Variants in NRXN1 observed in about 807,000 individuals in gnomAD.
NRXN1 encodes neurexin-1.
In NRXN1, 39 loss-of-function variants were observed where a neutral mutation model predicts 150.9. That is an observed-to-expected ratio of 0.26 (90% CI 0.20 to 0.34). NRXN1 has a LOEUF of 0.34. Ranked by LOEUF, NRXN1 falls within the 10% of genes least tolerant of loss-of-function variation. The probability of loss-of-function intolerance (pLI) is 1.00; values close to 1 mark genes in which losing one functional copy is unlikely to be tolerated. For missense variants in NRXN1, 1,815 were observed against 1,949.9 expected (o/e 0.93, Z 1.30); for synonymous variants, 924 against 757.0 (o/e 1.22, Z -3.62).
At chr2:50,879,817 G>C (rs1679162804) in intron 5 of NRXN1, among the ~76,000 whole-genome samples, 1 of 151,940 alleles carries the variant, frequency 6.6e-6, no homozygotes, top group South Asian at 2.1e-4. Flanking sequence ...AAAGAATCTT[G>C]TCATGTTGTG....
intron 21 of NRXN1, among the ~76,000 whole-genome samples, chr2:49,979,764 T>C (rs889641398): frequency 6.6e-6 from 1 of 152,158 alleles, no homozygotes; most frequent in African/African-American, 2.4e-5. Context: ...CTCCTTATAA[T>C]TGAAGCACTA....
chr2:50,474,935 C>A (rs1368181352), intron 15 of NRXN1, among the ~76,000 whole-genome samples: 1 of 149,604 alleles, frequency 6.7e-6, no homozygotes, highest in Non-Finnish European at 1.5e-5. Context: ...TGAGATTGTA[C>A]CTTCACTAAC....
chr2:50,955,000 G>A (rs1217901896), intron 2 of NRXN1, among the ~76,000 whole-genome samples: 1 of 152,126 alleles, frequency 6.6e-6, no homozygotes, highest in Non-Finnish European at 1.5e-5. Context: ...CAGCAGGTGA[G>A]GAAGACAGCT....
At chr2:50,201,285 T>C (rs2062144324) in intron 18 of NRXN1, among the ~76,000 whole-genome samples, 1 of 152,154 alleles carries the variant, frequency 6.6e-6, no homozygotes, top group Non-Finnish European at 1.5e-5. Context: ...GAATCACACA[T>C]AGAGTTCTAA....
intron 5 of NRXN1, among the ~76,000 whole-genome samples, chr2:50,818,746 G>A (rs979122246): frequency 6.6e-6 from 1 of 152,016 alleles, no homozygotes; most frequent in African/African-American, 2.4e-5. Flanking sequence ...TGGAATGAGA[G>A]AAAATATATG....
chr2:49,943,885 T>C (rs1672442000), intron 21 of NRXN1, 94 bp from the exon 22 acceptor site: 1 of 925,594 alleles, frequency 1.1e-6, no homozygotes, highest in African/African-American at 1.6e-5. Flanking sequence ...AATTTGTTTA[T>C]CAAGAAACCA....
intron 17 of NRXN1, among the ~76,000 whole-genome samples, chr2:50,289,385 A>G (rs2072612757): frequency 6.6e-6 from 1 of 152,044 alleles, no homozygotes; most frequent in Non-Finnish European, 1.5e-5. Context: ...TTCCCCTCTA[A>G]GTCACTTATG....
In NRXN1 at chr2:50,482,867, G is replaced by A. The variant is rs146897230; in HGVS notation, c.3071-10396C>T. Among the ~76,000 whole-genome samples, 41 of 151,496 alleles carry A rather than the reference G, an allele frequency of 2.7e-4. No individual in the cohort carries two copies. In the South Asian group the frequency reaches 5.2e-3, roughly 19 times the overall value. On this transcript the variant is annotated intron_variant, in intron 15 of 22. Coordinates refer to ENST00000401669, the MANE Select transcript of NRXN1 (RefSeq NM_001330078.2). ...TCCCAGCACTTTGGGAGGCTGTGGCGGGAAGAAACCCCAACTCTACTAAAA... is the reference window on the plus strand; with the variant it reads ...TCCCAGCACTTTGGGAGGCTGTGGCAGGAAGAAACCCCAACTCTACTAAAA...
intron 2 of NRXN1, among the ~76,000 whole-genome samples, chr2:51,011,363 A>C (rs1667833792): frequency 6.6e-6 from 1 of 152,034 alleles, no homozygotes; most frequent in Non-Finnish European, 1.5e-5. Context: ...GGGGACTTAG[A>C]ATCAAGTGAA....
At chr2:50,077,263 A>T (rs1315303137) in intron 19 of NRXN1, among the ~76,000 whole-genome samples, 1 of 152,146 alleles carries the variant, frequency 6.6e-6, no homozygotes, top group Non-Finnish European at 1.5e-5. Context: ...AGGTTCTATG[A>T]ATGTTTGGAA....
At chr2:50,097,523 G>A (rs933561111) in intron 18 of NRXN1, among the ~76,000 whole-genome samples, 2 of 152,196 alleles carry the variant, frequency 1.3e-5, no homozygotes, top group Non-Finnish European at 2.9e-5. Context: ...ATGAAGGGGA[G>A]TCTGGAGCCT....
At chr2:50,988,318 A>G (rs1347975090) in intron 2 of NRXN1, among the ~76,000 whole-genome samples, 1 of 151,998 alleles carries the variant, frequency 6.6e-6, no homozygotes, top group Non-Finnish European at 1.5e-5. Flanking sequence ...GAAATAATAT[A>G]GACTTTAGAT....
chr2:50,096,003 C>T (rs1256433645), intron 18 of NRXN1, among the ~76,000 whole-genome samples: 1 of 140,302 alleles, frequency 7.1e-6, no homozygotes, highest in African/African-American at 2.6e-5. Context: ...GTTCTCATAT[C>T]ATTTGACTTT....
chr2:50,247,554 T>C (rs2066623870), intron 17 of NRXN1, among the ~76,000 whole-genome samples: 1 of 152,136 alleles, frequency 6.6e-6, no homozygotes, highest in Admixed American at 6.6e-5. Context: ...GTCTCAGTTT[T>C]AGTTTTCCAA....
chr2:50,994,017 G>C (rs1039460455), intron 2 of NRXN1, among the ~76,000 whole-genome samples: 1 of 151,854 alleles, frequency 6.6e-6, no homozygotes, highest in Non-Finnish European at 1.5e-5. Flanking sequence ...CAAAACCTAA[G>C]ATTTTAGATT....
chr2:50,653,503 G>A (rs1250488050), intron 5 of NRXN1, among the ~76,000 whole-genome samples: 1 of 151,958 alleles, frequency 6.6e-6, no homozygotes, highest in East Asian at 1.9e-4. Flanking sequence ...ACCAACTTAG[G>A]TTACAATTCA....
intron 5 of NRXN1, among the ~76,000 whole-genome samples, chr2:50,709,107 T>C (rs1694810341): frequency 6.6e-6 from 1 of 152,182 alleles, no homozygotes; most frequent in Non-Finnish European, 1.5e-5. Context: ...CTCACAGCAC[T>C]GATGCCTCAC....
chr2:50,090,166 G>C (rs570710448), intron 19 of NRXN1, among the ~76,000 whole-genome samples: 2 of 152,140 alleles, frequency 1.3e-5, no homozygotes, highest in Non-Finnish European at 2.9e-5. Flanking sequence ...GTTTGAACTA[G>C]GGCTTGAAGA....
At chr2:50,281,739 C>T (rs2071494001) in intron 17 of NRXN1, among the ~76,000 whole-genome samples, 1 of 152,086 alleles carries the variant, frequency 6.6e-6, no homozygotes, top group African/African-American at 2.4e-5. Context: ...CCAGTCATCT[C>T]AGATTTATTT....
Sources: allele counts gnomAD v4.1 joint callset (sites outside exome capture counted in the v4.1 genomes callset), GRCh38; gene constraint gnomAD v4.1.1; transcripts MANE v1.5; gene names NCBI Gene and HGNC (gene_info 2026-07-23, HGNC 2026-07-21).